RGS8: variants seen among roughly 807,000 people sequenced by gnomAD.
RGS8 encodes the protein regulator of G-protein signaling 8.
RGS8 carries 8 observed loss-of-function variants against 21.7 expected under a neutral mutation model. That is an observed-to-expected ratio of 0.37 (90% CI 0.22 to 0.66). The LOEUF (loss-of-function observed/expected upper bound fraction) is 0.66, where lower values mean the gene tolerates loss of function less well. Among genes scored for constraint, RGS8 ranks in the 30% least tolerant of loss-of-function variants. RGS8 has a pLI of 0.59. For synonymous variants in RGS8, 80 were observed against 83.6 expected (o/e 0.96, Z 0.24); for missense variants, 157 against 217.9 (o/e 0.72, Z 1.76).
At chr1:182,676,533 G>A (rs1664363944), upstream of RGS8, among the ~76,000 whole-genome samples, 1 of 152,138 alleles carries the variant, frequency 6.6e-6, no homozygotes, top group African/African-American at 2.4e-5. Flanking sequence ...ACAGAAGGAG[G>A]TCACTTGGCC....
At chr1:182,652,362 C>T (rs192075391) in intron 5 of RGS8, among the ~76,000 whole-genome samples, 67 of 152,328 alleles carry the variant, frequency 4.4e-4, no homozygotes, top group African/African-American at 1.6e-3. Context: ...ACAGGCATCA[C>T]CTCCTTAAAT....
At chr1:182,690,546 C>A in the RGS8 span, among the ~76,000 whole-genome samples, 6 of 152,154 alleles carry the variant, frequency 3.9e-5, no homozygotes, top group Admixed American at 1.3e-4. Context: ...TTTGGGTCCC[C>A]ATTTTCTTTT....
the RGS8 span, among the ~76,000 whole-genome samples, chr1:182,727,666 A>AT: frequency 6.6e-6 from 1 of 152,008 alleles, no homozygotes; most frequent in Non-Finnish European, 1.5e-5. Context: ...TATGTCATCT[A>AT]TTCTGTATTT....
In RGS8 at chr1:182,649,186, C is replaced by A. The variant is rs114466489; in HGVS notation, c.194-883G>T. On this transcript the variant is annotated intron_variant, in intron 5 of 6. Transcript: ENST00000483095. ...ATATTTGGGGCACAGGTGTCTCTATCCCCTGGGTCTACTGGTGAGCTATGT... is the reference window on the plus strand; with the variant it reads ...ATATTTGGGGCACAGGTGTCTCTATACCCTGGGTCTACTGGTGAGCTATGT... Among the ~76,000 whole-genome samples the A allele has an allele frequency of 9.3e-3, 1,422 of 152,234 alleles. 20 individuals carry two copies. Among genetic ancestry groups the A allele is most frequent in the African/African-American group, 0.032 (1,348 of 41,532 alleles).
At chr1:182,677,628 C>T (rs1259685716), upstream of RGS8, among the ~76,000 whole-genome samples, 3 of 152,184 alleles carry the variant, frequency 2.0e-5, no homozygotes, top group Non-Finnish European at 2.9e-5. Flanking sequence ...CTGGGGGTTA[C>T]GTAAGTCTCT....
the RGS8 span, among the ~76,000 whole-genome samples, chr1:182,738,623 C>A: frequency 2.0e-5 from 3 of 152,064 alleles, no homozygotes; most frequent in Non-Finnish European, 4.4e-5. Flanking sequence ...CCCTTTATGG[C>A]CAATCCTGTA....
the RGS8 span, among the ~76,000 whole-genome samples, chr1:182,720,553 G>T: frequency 6.6e-6 from 1 of 152,052 alleles, no homozygotes; most frequent in African/African-American, 2.4e-5. Context: ...GTCATTCAAA[G>T]CTCTCAGAGA....
intron 5 of RGS8, among the ~76,000 whole-genome samples, chr1:182,660,128 T>G (rs1663515310): frequency 6.6e-6 from 1 of 152,236 alleles, no homozygotes; most frequent in Non-Finnish European, 1.5e-5. Context: ...TAGTTATTTT[T>G]TATTGAGTTC....
At chr1:182,715,909 C>T in the RGS8 span, among the ~76,000 whole-genome samples, 1 of 152,090 alleles carries the variant, frequency 6.6e-6, no homozygotes, top group African/African-American at 2.4e-5. Flanking sequence ...AATATAGTCA[C>T]CCTTGATATC....
At chr1:182,650,620 G>A (rs1662962685) in intron 5 of RGS8, among the ~76,000 whole-genome samples, 1 of 152,158 alleles carries the variant, frequency 6.6e-6, no homozygotes, top group South Asian at 2.1e-4. Context: ...TCAACATTTG[G>A]GAGGCTGAGG....
chr1:182,707,462 C>T, the RGS8 span, among the ~76,000 whole-genome samples: 2 of 152,148 alleles, frequency 1.3e-5, no homozygotes, highest in African/African-American at 4.8e-5. Flanking sequence ...GCAAAGGCAT[C>T]AAAATTTTAT....
At chr1:182,646,128 A>T (rs914824358) in exon 7 of RGS8, 1 of 152,158 alleles carries the variant, frequency 6.6e-6, no homozygotes, top group African/African-American at 2.4e-5. Flanking sequence ...AAGTAATCAC[A>T]GTTTTTCACA....
At position 182,657,138 on chromosome 1, in the gene RGS8, T is replaced by C. The variant is rs192187040; in HGVS notation, c.193+8831A>G. 3.3e-3 allele frequency among the ~76,000 whole-genome samples: 363 copies of C among 111,448 alleles called. 1 individual carries two copies. Among genetic ancestry groups the C allele is most frequent in the South Asian group, 3.7e-3 (12 of 3,234 alleles). 73.1% of individuals were successfully genotyped at this position (111,448 alleles called of 152,430 possible). A position where few individuals can be genotyped will look rare whatever the true frequency, so the allele number is the denominator to read the frequency against. On this transcript the variant is annotated intron_variant, in intron 5 of 6. Transcript: ENST00000483095. ...CTGCTTATGTGACCAAGCAAACAAA[T>C]CCAAACACAACTGCGTAAAATCCTA... is the stretch of plus-strand genomic sequence containing the variant.
At chr1:182,742,816 AG>A in the RGS8 span, among the ~76,000 whole-genome samples, 4 of 152,124 alleles carry the variant, frequency 2.6e-5, no homozygotes, top group Non-Finnish European at 5.9e-5. Flanking sequence ...TTTTTTATGT[AG>A]TTAAAAGCTG....
chr1:182,737,285 T>TAAA, the RGS8 span, among the ~76,000 whole-genome samples: 238 of 149,308 alleles, frequency 1.6e-3, no homozygotes, highest in Non-Finnish European at 1.9e-3. Context: ...ATCTCATAGG[T>TAAA]AAAAAAAAAA....
chr1:182,740,848 T>C, the RGS8 span, among the ~76,000 whole-genome samples: 7 of 152,062 alleles, frequency 4.6e-5, no homozygotes, highest in Non-Finnish European at 7.4e-5. Context: ...ACAGCACATG[T>C]TTCAGAGAGC....
At chr1:182,668,314 C>T (rs1006039225) in intron 3 of RGS8, among the ~76,000 whole-genome samples, 5 of 152,162 alleles carry the variant, frequency 3.3e-5, no homozygotes, top group African/African-American at 1.2e-4. Flanking sequence ...AAGGAAGTGC[C>T]GCTTGCACAT....
At chr1:182,748,181 T>C in the RGS8 span, among the ~76,000 whole-genome samples, 25,302 of 152,212 alleles carry the variant, frequency 0.17, 2,239 homozygotes, top group African/African-American at 0.23. Flanking sequence ...TGTAGTTGTG[T>C]TGCTGTACAA....
At chr1:182,744,730 T>C in the RGS8 span, among the ~76,000 whole-genome samples, 1 of 152,242 alleles carries the variant, frequency 6.6e-6, no homozygotes, top group Non-Finnish European at 1.5e-5. Context: ...ACACAACTTT[T>C]TGTTGTTTCA....
Sources: gnomAD v4.1 joint callset for allele counts (sites outside exome capture counted in the v4.1 genomes callset) on GRCh38, gnomAD v4.1.1 for gene constraint, MANE v1.5 for transcripts, NCBI Gene and HGNC (gene_info 2026-07-23, HGNC 2026-07-21) for gene names.